Variants in SLC22A15 observed in about 807,000 individuals in gnomAD.
SLC22A15 encodes solute carrier family 22 member 15.
A neutral mutation model predicts 62.7 loss-of-function variants in SLC22A15; 45 were observed. The observed-to-expected ratio is 0.72, with a 90% CI of 0.56 to 0.92. The LOEUF (loss-of-function observed/expected upper bound fraction) is 0.92, where lower values mean the gene tolerates loss of function less well. Ranked by LOEUF, SLC22A15 falls within the 40% of genes least tolerant of loss-of-function variation. The pLI, the probability that SLC22A15 is intolerant of heterozygous loss-of-function variation, is 0.00. For missense variants in SLC22A15, 622 were observed against 665.6 expected (o/e 0.93, Z 0.72); for synonymous variants, 264 against 267.0 (o/e 0.99, Z 0.11).
intron 1 of SLC22A15, among the ~76,000 whole-genome samples, chr1:115,979,606 T>C (rs1654512573): frequency 1.3e-5 from 2 of 152,238 alleles, no homozygotes; most frequent in East Asian, 3.8e-4. Flanking sequence ...TAATTCTATT[T>C]AGCATATTAC....
At chr1:116,019,525 GT>G in intron 2 of SLC22A15, 56 bp from the exon 3 acceptor site, 1 of 1,518,956 alleles carries the variant, frequency 6.6e-7, no homozygotes, top group Non-Finnish European at 8.8e-7. Context: ...TGCACATTTG[GT>G]TTTTTAATAG....
At chr1:116,036,445 C>T (rs1248095554) in intron 7 of SLC22A15, among the ~76,000 whole-genome samples, 1 of 152,106 alleles carries the variant, frequency 6.6e-6, no homozygotes, top group African/African-American at 2.4e-5. Flanking sequence ...ACCTTCTTAG[C>T]GCCCCCCAGA....
intron 6 of SLC22A15, 145 bp downstream of exon 6, chr1:116,031,726 C>T (rs1039142983): frequency 6.9e-6 from 10 of 1,450,532 alleles, no homozygotes; most frequent in African/African-American, 2.9e-5. Context: ...TCTCCTGATC[C>T]TTAGCGCCTG....
Position 116,035,255 on chromosome 1 carries a change from C to T in SLC22A15, c.1013C>T (p.Ala338Val). 1 of 1,613,342 alleles carries T rather than the reference C, an allele frequency of 6.2e-7. No individual in the cohort carries two copies. Among genetic ancestry groups the T allele is most frequent in the Non-Finnish European group, 8.5e-7 (1 of 1,179,560 alleles). ...SAGDLGGSIY[A>V]NLALSGLIEI... is the part of the protein sequence containing the mutation. ...GGTGATCTAGGTGGAAGTATTTATGCCAACCTGGCCCTGTCTGGCCTCATA... is the reference window on the plus strand; with the variant it reads ...GGTGATCTAGGTGGAAGTATTTATGTCAACCTGGCCCTGTCTGGCCTCATA... Residue 338 changes from alanine (A) to valine (V), a missense_variant, in exon 7 of 12, where the codon GCC becomes GTC. Ala to Val is a moderately conservative substitution (Grantham distance 64). Transcript: ENST00000369503.
Position 116,050,696 on chromosome 1 carries a change from C to T in SLC22A15, c.1172-12066C>T, listed in dbSNP as rs183580564. 1.7e-3 allele frequency among the ~76,000 whole-genome samples: 260 copies of T among 152,224 alleles called. 2 individuals carry two copies. The highest frequency in any genetic ancestry group is 0.01 in the East Asian group (52 of 5,176). ...AATGCCCACTCTCACCACTCCTCTT[C>T]GACATAGTACTGGAAGTCCTAACCA... is the stretch of plus-strand genomic sequence containing the variant. On this transcript the variant is annotated intron_variant, in intron 8 of 11. Coordinates refer to ENST00000369503, the MANE Select transcript of SLC22A15 (RefSeq NM_018420.3).
chr1:116,040,309 A>G (rs1409481623), intron 8 of SLC22A15, among the ~76,000 whole-genome samples: 3 of 152,194 alleles, frequency 2.0e-5, no homozygotes, highest in African/African-American at 7.2e-5. Flanking sequence ...GCAGGTGGCC[A>G]CTAATGTTTT....
intron 2 of SLC22A15, 27 bp from the exon 3 acceptor site, chr1:116,019,555 T>C: frequency 6.4e-7 from 1 of 1,574,682 alleles, no homozygotes; most frequent in South Asian, 1.2e-5. Flanking sequence ...ATCCTACATG[T>C]CTCTCTTTTG....
Position 116,067,069 on chromosome 1 carries a change from A to C in SLC22A15, c.1605A>C (p.Glu535Asp). The C allele has an allele frequency of 2.5e-6, 4 of 1,612,720 alleles. No homozygotes were observed. Among genetic ancestry groups the C allele is most frequent in the Non-Finnish European group, 3.4e-6 (4 of 1,179,492 alleles). ...SLGSESEEEEEFYDADEETQM... is the reference protein window; with the variant it reads ...SLGSESEEEEDFYDADEETQM... ...GGAGTGAGAGTGAGGAAGAGGAAGA[A>C]TTTTATGATGCAGATGAAGAGACTC... The change falls in exon 12 of 12, where the codon GAA becomes GAC. Residue 535 changes from glutamate (E) to aspartate (D), a missense_variant. Glu to Asp is a conservative substitution (Grantham distance 45). Transcript: ENST00000369503.
intron 2 of SLC22A15, among the ~76,000 whole-genome samples, chr1:116,010,224 T>C (rs1656182904): frequency 6.6e-6 from 1 of 152,258 alleles, no homozygotes. Context: ...TTATCATGCT[T>C]AATTAATGTT....
intron 5 of SLC22A15, 99 bp from the exon 6 acceptor site, chr1:116,031,267 T>G: frequency 1.2e-6 from 1 of 857,048 alleles, no homozygotes; most frequent in African/African-American, 1.7e-5. Flanking sequence ...TGGAATCCCA[T>G]TTGTGGTGCA....
At chr1:116,003,670 T>C (rs1655842393) in intron 2 of SLC22A15, among the ~76,000 whole-genome samples, 1 of 152,190 alleles carries the variant, frequency 6.6e-6, no homozygotes, top group Non-Finnish European at 1.5e-5. Flanking sequence ...AGATTCTCTC[T>C]TCCTGTGCCG....
Position 116,031,983 on chromosome 1 carries a change from A to G in SLC22A15, c.944+402A>G, listed in dbSNP as rs973914975. 5.6e-6 allele frequency: 6 copies of G among 1,065,436 alleles called. No homozygotes were observed. In the African/African-American group the frequency reaches 8.5e-5, roughly 15 times the overall value. The allele number at this position is 1,065,436 out of a possible 1,614,324, so 66.0% of individuals were successfully genotyped here. The stretch of plus-strand genomic sequence containing the variant: ...CTTACCTTTGGCACTGGCATCAAGC[A>G]GTTTGCTAGCACATTCTGATTGCGG... On this transcript the variant is annotated intron_variant, in intron 6 of 11. Transcript: ENST00000369503.
At position 115,976,661 on chromosome 1, in the gene SLC22A15, G is replaced by C. The variant is rs1031412332; in HGVS notation, c.34G>C (p.Glu12Gln). The change falls in exon 1 of 12, where the codon GAG becomes CAG. Residue 12 changes from glutamate to glutamine, a missense_variant. Physicochemically the swap from Glu to Gln is conservative, Grantham distance 29. Transcript: ENST00000369503. ...GGAGGAGGCGTTCCAGGCGGTGGGGGAGATGGGCATCTACCAGATGTACTT... is the reference window on the plus strand; with the variant it reads ...GGAGGAGGCGTTCCAGGCGGTGGGGCAGATGGGCATCTACCAGATGTACTT... ...EVEEAFQAVG[E>Q]MGIYQMYLCF... 1.9e-6 allele frequency: 3 copies of C among 1,588,292 alleles called. No individual in the cohort carries two copies. The highest frequency in any genetic ancestry group is 2.8e-5 in the African/African-American group (2 of 72,622).
rs1211023918 is a variant in SLC22A15, at chr1:116,067,815, T to C, written c.*707T>C. The C allele has an allele frequency of 6.6e-6, 1 of 152,192 alleles. No homozygotes were observed. Among genetic ancestry groups the C allele is most frequent in the Non-Finnish European group, 1.5e-5 (1 of 68,078 alleles). 9.4% of individuals were successfully genotyped at this position (152,192 alleles called of 1,614,324 possible). ...TCAGGGGTGTAGCTCTGGCTGCCTG[T>C]CAGCTCCCTTGGATACTATATTGTA... is the stretch of plus-strand genomic sequence containing the variant. On this transcript the variant is annotated 3_prime_UTR_variant, in exon 12 of 12. Transcript: ENST00000369503.
At chr1:116,003,363 A>T (rs1655828476) in intron 2 of SLC22A15, among the ~76,000 whole-genome samples, 1 of 152,294 alleles carries the variant, frequency 6.6e-6, no homozygotes, top group Non-Finnish European at 1.5e-5. Flanking sequence ...TGTGCATCCC[A>T]AGTCCACTGA....
intron 2 of SLC22A15, among the ~76,000 whole-genome samples, chr1:116,011,331 T>C (rs767875429): frequency 6.6e-6 from 1 of 152,164 alleles, no homozygotes; most frequent in Non-Finnish European, 1.5e-5. Context: ...AGATTGGCTA[T>C]AGGAAGAAGG....
chr1:115,987,099 G>C (rs924992110), intron 1 of SLC22A15, among the ~76,000 whole-genome samples: 1 of 151,942 alleles, frequency 6.6e-6, no homozygotes, highest in Non-Finnish European at 1.5e-5. Context: ...CCATTAATAC[G>C]TTTTGACTGG....
intron 8 of SLC22A15, among the ~76,000 whole-genome samples, chr1:116,041,020 C>A (rs868074615): frequency 3.9e-5 from 6 of 152,164 alleles, no homozygotes; most frequent in Admixed American, 1.3e-4. Flanking sequence ...CCTGATAGGA[C>A]TTGGCCAGTG....
intron 8 of SLC22A15, among the ~76,000 whole-genome samples, chr1:116,046,782 T>C (rs962026978): frequency 6.6e-6 from 1 of 152,154 alleles, no homozygotes; most frequent in Non-Finnish European, 1.5e-5. Flanking sequence ...ATACCCCCAC[T>C]GGAGAAACTG....
Sources: allele counts gnomAD v4.1 joint callset (sites outside exome capture counted in the v4.1 genomes callset), GRCh38; gene constraint gnomAD v4.1.1; transcripts MANE v1.5; gene names NCBI Gene and HGNC (gene_info 2026-07-23, HGNC 2026-07-21).